TMEM225B: variants seen among roughly 807,000 people sequenced by gnomAD.
The protein encoded by TMEM225B is transmembrane protein 225B.
Under a neutral mutation model 16.9 loss-of-function variants are expected in TMEM225B, and 10 were observed. That is an observed-to-expected ratio of 0.59 (90% CI 0.36 to 1.00). TMEM225B has a LOEUF of 1.00. Ranked by LOEUF, TMEM225B falls within the 50% of genes least tolerant of loss-of-function variation. The pLI is 0.01. For synonymous variants in TMEM225B, 92 were observed against 109.8 expected, an observed-to-expected ratio of 0.84 and a Z score of 1.01; for missense variants, 217 against 267.0, an observed-to-expected ratio of 0.81 and a Z score of 1.30.
rs146887709 is a variant in TMEM225B, at chr7:99,605,939, G to A, written c.209-809G>A. Among the ~76,000 whole-genome samples the A allele has an allele frequency of 5.4e-4, 83 of 152,300 alleles. 5 individuals are homozygous for A. The South Asian group carries it at 7.7e-3, about 14-fold the overall frequency. On this transcript the variant is annotated intron_variant, in intron 3 of 5. Coordinates refer to ENST00000431679, the MANE Select transcript of TMEM225B (RefSeq NM_001195541.3). ...ATAAAGATGTGGGGATTCCCTCAGC[G>A]TTCAGAACATTTTGACCTCACAAAG...
rs552580463 is a variant in TMEM225B at position 99,598,856 on chromosome 7, G to C, written c.-85+475G>C. Among the ~76,000 whole-genome samples the C allele has an allele frequency of 5.3e-5, 8 of 152,336 alleles. No homozygotes were observed. The South Asian group carries it at 8.3e-4, about 16-fold the overall frequency. The stretch of plus-strand genomic sequence containing the variant: ...GGCTGCAGCTCAGGCGCTGAAGGGG[G>C]CCTAGGGTCCAGGAACCTCCTGCCA... On this transcript the variant is annotated intron_variant, in intron 1 of 5. Coordinates refer to ENST00000431679, the MANE Select transcript of TMEM225B (RefSeq NM_001195541.3).
Position 99,606,627 on chromosome 7 carries a change from C to T in TMEM225B, c.209-121C>T, listed in dbSNP as rs192185028. 8.6e-5 allele frequency: 74 copies of T among 860,292 alleles called. No individual in the cohort carries two copies. The Admixed American group carries it at 2.0e-3, about 23-fold the overall frequency. The allele number at this position is 860,292 out of a possible 1,614,324, so 53.3% of individuals were successfully genotyped here. Reference sequence around the variant, plus strand: ...ATGGTCACAACCTTGGTCCCAAGGCCATGCTTTGGGATCTAAGGGTGGTGG... The same window carrying T: ...ATGGTCACAACCTTGGTCCCAAGGCTATGCTTTGGGATCTAAGGGTGGTGG... On this transcript the variant is annotated intron_variant, in intron 3 of 5. Transcript: ENST00000431679.
chr7:99,608,169 C>G (rs1189789278), intron 5 of TMEM225B, among the ~76,000 whole-genome samples: 1 of 152,148 alleles, frequency 6.6e-6, no homozygotes, highest in African/African-American at 2.4e-5. Flanking sequence ...GCAGGAGAAT[C>G]GCTTGAACCC....
At chr7:99,607,536 G>T (rs1225060216) in intron 4 of TMEM225B, 137 bp from the exon 5 acceptor site, 2 of 756,094 alleles carry the variant, frequency 2.6e-6, no homozygotes, top group Non-Finnish European at 4.2e-6. Flanking sequence ...GGAGGGACAG[G>T]CATCTGGGTA....
intron 2 of TMEM225B, 46 bp downstream of exon 2, chr7:99,600,331 G>T: frequency 1.4e-6 from 1 of 702,570 alleles, no homozygotes. Context: ...TGGGAGGGCT[G>T]CGTGGAGTGG....
chr7:99,601,142 A>G (rs557598439), intron 2 of TMEM225B, among the ~76,000 whole-genome samples: 12 of 152,308 alleles, frequency 7.9e-5, no homozygotes, highest in Non-Finnish European at 1.3e-4. Flanking sequence ...AGATGCAGCC[A>G]TGACTCCTTC....
At chr7:99,609,018 T>A (rs1415234602) in intron 5 of TMEM225B, among the ~76,000 whole-genome samples, 4 of 151,572 alleles carry the variant, frequency 2.6e-5, no homozygotes, top group Non-Finnish European at 5.9e-5. Context: ...AATACAAAAA[T>A]TAGCTGGGTA....
intron 5 of TMEM225B, 85 bp downstream of exon 5, chr7:99,607,895 C>G: frequency 7.1e-7 from 1 of 1,416,412 alleles, no homozygotes; most frequent in South Asian, 1.4e-5. Context: ...CCTTTGGATT[C>G]TCTAGAATTG....
At chr7:99,606,454 G>A (rs1249247855) in intron 3 of TMEM225B, among the ~76,000 whole-genome samples, 1 of 152,158 alleles carries the variant, frequency 6.6e-6, no homozygotes, top group Non-Finnish European at 1.5e-5. Context: ...GCGATAGAGG[G>A]AGACCCTGTT....
chr7:99,605,599 T>C (rs1325518235), intron 3 of TMEM225B: 1 of 151,552 alleles, frequency 6.6e-6, no homozygotes, highest in African/African-American at 2.4e-5. Flanking sequence ...CAGCTAATTT[T>C]TTAATTTTAG....
At chr7:99,610,149 T>C (rs893803467) in intron 5 of TMEM225B, among the ~76,000 whole-genome samples, 2 of 152,216 alleles carry the variant, frequency 1.3e-5, no homozygotes, top group African/African-American at 2.4e-5. Flanking sequence ...GTTTTTTTTT[T>C]CACCCATTAA....
At position 99,610,410 on chromosome 7, in the gene TMEM225B, C is replaced by G. The variant is rs1465055977; in HGVS notation, c.511C>G (p.Gln171Glu). 3 of 1,535,790 alleles carry G rather than the reference C, an allele frequency of 2.0e-6. No homozygotes were observed. In the South Asian group the frequency reaches 3.6e-5, roughly 18 times the overall value. ...FIVAGTICLIQEMVCPCWHLL... is the reference protein window; with the variant it reads ...FIVAGTICLIEEMVCPCWHLL... Reference sequence around the variant, plus strand: ...TTCCCTAGGTACCATCTGCCTCATTCAAGAAATGGTTTGCCCTTGCTGGCA... The same window carrying G: ...TTCCCTAGGTACCATCTGCCTCATTGAAGAAATGGTTTGCCCTTGCTGGCA... The change falls in exon 6 of 6, where the codon CAA (glutamine) becomes GAA (glutamate). Residue 171 changes from glutamine to glutamate, a missense_variant. Gln to Glu is a conservative substitution (Grantham distance 29). Coordinates refer to ENST00000431679, the MANE Select transcript of TMEM225B (RefSeq NM_001195541.3).
chr7:99,599,651 T>C (rs571574788), intron 1 of TMEM225B, among the ~76,000 whole-genome samples: 3 of 152,242 alleles, frequency 2.0e-5, no homozygotes, highest in Non-Finnish European at 4.4e-5. Context: ...TTGGCAGTCG[T>C]ATATTCCCCC....
intron 2 of TMEM225B, among the ~76,000 whole-genome samples, chr7:99,600,732 G>A (rs976113968): frequency 6.6e-6 from 1 of 152,094 alleles, no homozygotes; most frequent in Admixed American, 6.6e-5. Context: ...TGACACATGG[G>A]GATTATTACA....
At chr7:99,607,615 T>G in intron 4 of TMEM225B, 58 bp from the exon 5 acceptor site, 1 of 1,485,712 alleles carries the variant, frequency 6.7e-7, no homozygotes, top group African/African-American at 1.4e-5. Context: ...GGGTGAAGTT[T>G]GGAGGGAAGG....
chr7:99,598,574 A>G (rs995213636), intron 1 of TMEM225B, among the ~76,000 whole-genome samples, 193 bp downstream of exon 1: 29 of 152,198 alleles, frequency 1.9e-4, no homozygotes, highest in African/African-American at 6.5e-4. Context: ...AAATATCCCT[A>G]TGGCTTTGGG....
chr7:99,607,332 T>A (rs540234617), intron 4 of TMEM225B, among the ~76,000 whole-genome samples: 104 of 152,230 alleles, frequency 6.8e-4, no homozygotes, highest in Middle Eastern at 6.8e-3. Context: ...GGCTCCACCC[T>A]GAGAGGCTCC....
intron 5 of TMEM225B, 137 bp from the exon 6 acceptor site, chr7:99,610,256 C>T: frequency 1.6e-6 from 1 of 608,148 alleles, no homozygotes; most frequent in Non-Finnish European, 2.8e-6. Flanking sequence ...CGCATCCTGT[C>T]TGTAATCTCT....
rs1024294874 is a variant in TMEM225B, at chr7:99,606,813, A to G, written c.274A>G (p.Ile92Val). 6 of 1,535,976 alleles carry G rather than the reference A, an allele frequency of 3.9e-6. No individual in the cohort carries two copies. Among genetic ancestry groups the G allele is most frequent in the Admixed American group, 2.0e-5 (1 of 50,976 alleles). Residue 92 changes from isoleucine to valine, a missense_variant, in exon 4 of 6, where the codon ATC (isoleucine) becomes GTC (valine). By Grantham distance (29) the Ile-to-Val change is conservative. Coordinates refer to ENST00000431679, the MANE Select transcript of TMEM225B (RefSeq NM_001195541.3). ...TTTCTTGGCTTTCGTCACCACCTTCATCATGATGCCCTTTGCATCCGAGTT... is the reference window on the plus strand; with the variant it reads ...TTTCTTGGCTTTCGTCACCACCTTCGTCATGATGCCCTTTGCATCCGAGTT... ...AVFLAFVTTFIMMPFASEFFP... is the reference protein window; with the variant it reads ...AVFLAFVTTFVMMPFASEFFP...
Sources: allele counts gnomAD v4.1 joint callset (sites outside exome capture counted in the v4.1 genomes callset), GRCh38; gene constraint gnomAD v4.1.1; transcripts MANE v1.5; gene names NCBI Gene and HGNC (gene_info 2026-07-23, HGNC 2026-07-21).